DIAPH2: variants seen among roughly 807,000 people sequenced by gnomAD.
DIAPH2 encodes the protein diaphanous related formin 2.
DIAPH2 carries 35 observed loss-of-function variants against 92.7 expected under a neutral mutation model. The observed-to-expected ratio is 0.38, with a 90% CI of 0.29 to 0.50. DIAPH2 has a LOEUF of 0.50. Among genes scored for constraint, DIAPH2 ranks in the 20% least tolerant of loss-of-function variants. DIAPH2 has a pLI of 0.94. For synonymous variants in DIAPH2, 301 were observed against 280.4 expected (o/e 1.07, Z -0.73); for missense variants, 701 against 819.5 (o/e 0.86, Z 1.77).
At chrX:97,562,271 G>A (rs1419738840) in intron 26 of DIAPH2, among the ~76,000 whole-genome samples, 3 of 108,468 alleles carry the variant, frequency 2.8e-5, no homozygotes, top group Non-Finnish European at 3.8e-5. Context: ...GGAGGCAGGC[G>A]GATCACCTGA....
chrX:97,599,328 C>CAAAG lies in DIAPH2; in HGVS notation c.*14_*17dup, dbSNP rs762787947. ...ATCTCATCTAAGTGATTCCTGATGC[C>CAAAG]AAAGAATATGAAAATATTTAAGTAA... On this transcript the variant is annotated 3_prime_UTR_variant, in exon 27 of 27. Coordinates refer to ENST00000324765, the MANE Select transcript of DIAPH2 (RefSeq NM_006729.5). 141 of 1,139,576 alleles carry CAAAG rather than the reference C, an allele frequency of 1.2e-4. No individual in the cohort carries two copies. Among genetic ancestry groups the CAAAG allele is most frequent in the Non-Finnish European group, 1.6e-4 (133 of 840,324 alleles). 93.9% of individuals were successfully genotyped at this position (1,139,576 alleles called of 1,213,427 possible). A position where few individuals can be genotyped will look rare whatever the true frequency, so the allele number is the denominator to read the frequency against.
intron 17 of DIAPH2, among the ~76,000 whole-genome samples, chrX:97,053,678 T>G (rs2066536567): frequency 9.0e-6 from 1 of 111,600 alleles, no homozygotes; most frequent in African/African-American, 3.3e-5. Flanking sequence ...TGTCGATAGT[T>G]CAAGTTTCCA....
At chrX:97,195,670 A>AG (rs2067696620) in intron 22 of DIAPH2, among the ~76,000 whole-genome samples, 1 of 109,901 alleles carries the variant, frequency 9.1e-6, no homozygotes, top group Non-Finnish European at 1.9e-5. Flanking sequence ...CAAAAAAAAA[A>AG]AAAAAAAAAG....
intron 26 of DIAPH2, among the ~76,000 whole-genome samples, chrX:97,538,033 C>T (rs1379905041): frequency 2.8e-5 from 3 of 109,036 alleles, no homozygotes; most frequent in Non-Finnish European, 3.8e-5. Flanking sequence ...TACAGGCGCC[C>T]GCCACCGCAC....
At chrX:97,367,189 G>GGTA (rs941584144) in intron 24 of DIAPH2, among the ~76,000 whole-genome samples, 1 of 111,605 alleles carries the variant, frequency 9.0e-6, no homozygotes, top group African/African-American at 3.3e-5. Flanking sequence ...TAAATAATGG[G>GGTA]GTAGTACCCA....
At chrX:97,145,322 AGTG>A (rs1237736268) in intron 22 of DIAPH2, among the ~76,000 whole-genome samples, 2 of 107,439 alleles carry the variant, frequency 1.9e-5, no homozygotes, top group Non-Finnish European at 1.9e-5. Context: ...TAGTAGTAGT[AGTG>A]GTAGTAGTAG....
At chrX:96,809,097 A>C (rs1396346943) in intron 4 of DIAPH2, among the ~76,000 whole-genome samples, 2 of 111,550 alleles carry the variant, frequency 1.8e-5, no homozygotes, top group African/African-American at 3.3e-5. Context: ...TTGCATGACA[A>C]CTTTGCATAG....
At chrX:97,306,951 C>T (rs1602495449) in intron 23 of DIAPH2, among the ~76,000 whole-genome samples, 1 of 111,677 alleles carries the variant, frequency 9.0e-6, no homozygotes, top group Middle Eastern at 4.6e-3. Context: ...TAAGGGGCAC[C>T]GAATTGTTAC....
At chrX:97,518,665 G>A (rs899263971) in intron 26 of DIAPH2, among the ~76,000 whole-genome samples, 3 of 110,489 alleles carry the variant, frequency 2.7e-5, no homozygotes, top group Non-Finnish European at 3.8e-5. Context: ...CTATGGATTA[G>A]ATTCTGTGTA....
intron 17 of DIAPH2, among the ~76,000 whole-genome samples, chrX:97,021,852 C>T (rs939204894): frequency 6.3e-5 from 7 of 111,253 alleles, no homozygotes; most frequent in African/African-American, 1.3e-4. Context: ...TTCCTTTGTG[C>T]GGAGTACTTT....
chrX:97,559,234 G>C (rs1404888323), intron 26 of DIAPH2, among the ~76,000 whole-genome samples: 1 of 111,822 alleles, frequency 8.9e-6, no homozygotes, highest in Non-Finnish European at 1.9e-5. Flanking sequence ...GCTCATTCCT[G>C]TAATCCCAGC....
At chrX:97,146,999 A>C (rs1159745826) in intron 22 of DIAPH2, among the ~76,000 whole-genome samples, 1 of 110,584 alleles carries the variant, frequency 9.0e-6, no homozygotes, top group African/African-American at 3.3e-5. Flanking sequence ...GGTTAAGTTT[A>C]CGTATTTATT....
At chrX:96,754,960 G>C (rs1174451856) in intron 3 of DIAPH2, among the ~76,000 whole-genome samples, 1 of 75,745 alleles carries the variant, frequency 1.3e-5, no homozygotes, top group African/African-American at 4.7e-5. Context: ...AAAGGAAATA[G>C]ATACAGAACA....
chrX:97,337,635 A>G (rs138200934), intron 23 of DIAPH2, among the ~76,000 whole-genome samples: 2,279 of 111,361 alleles, frequency 0.02, 46 homozygotes, highest in African/African-American at 0.071. Flanking sequence ...CTTCATACCA[A>G]CATGAGAACA....
chrX:97,391,417 C>T (rs2069658107), intron 25 of DIAPH2, among the ~76,000 whole-genome samples: 2 of 111,306 alleles, frequency 1.8e-5, no homozygotes, highest in South Asian at 7.7e-4. Flanking sequence ...TTCTCTTCCA[C>T]CGAAAGAGAG....
intron 4 of DIAPH2, among the ~76,000 whole-genome samples, chrX:96,795,376 T>C (rs1304696517): frequency 9.0e-6 from 1 of 111,353 alleles, no homozygotes; most frequent in Non-Finnish European, 1.9e-5. Flanking sequence ...CTGGTTAATG[T>C]TCCAGGTTAA....
chrX:96,894,464 T>G (rs1471076334), intron 5 of DIAPH2, among the ~76,000 whole-genome samples: 1 of 111,837 alleles, frequency 8.9e-6, no homozygotes, highest in East Asian at 2.8e-4. Flanking sequence ...TATCTTGAAG[T>G]GGATACAGCA....
At chrX:97,319,576 C>T (rs144011111) in intron 23 of DIAPH2, among the ~76,000 whole-genome samples, 2,476 of 109,531 alleles carry the variant, frequency 0.023, 89 homozygotes, top group African/African-American at 0.078. Flanking sequence ...TTAGTAAAGA[C>T]GGAGTTTCAC....
At chrX:97,223,323 T>C (rs2067940436) in intron 22 of DIAPH2, among the ~76,000 whole-genome samples, 1 of 111,691 alleles carries the variant, frequency 9.0e-6, no homozygotes, top group African/African-American at 3.2e-5. Context: ...GATTCACTTC[T>C]AACTCTCCCT....
Sources: gnomAD v4.1 joint callset for allele counts (sites outside exome capture counted in the v4.1 genomes callset) on GRCh38, gnomAD v4.1.1 for gene constraint, MANE v1.5 for transcripts, NCBI Gene and HGNC (gene_info 2026-07-23, HGNC 2026-07-21) for gene names.